Variants in ERBB4 observed in about 807,000 individuals in gnomAD.
ERBB4 encodes the protein receptor tyrosine-protein kinase erbB-4.
A neutral mutation model predicts 158.0 loss-of-function variants in ERBB4; 42 were observed. The ratio of observed to expected loss-of-function variants is 0.27; its 90% CI spans 0.21 to 0.34. The LOEUF (loss-of-function observed/expected upper bound fraction) is 0.34. ERBB4 is among the 10% of genes least tolerant of loss of function. ERBB4 has a pLI of 1.00. For synonymous variants in ERBB4, 583 were observed against 558.7 expected, an observed-to-expected ratio of 1.04 and a Z score of -0.61; for missense variants, 1,333 against 1,624.1, an observed-to-expected ratio of 0.82 and a Z score of 3.08.
chr2:211,432,057 A>AGAGTGAATATATTTTTGTTGAAGTGTTAG, intron 20 of ERBB4, among the ~76,000 whole-genome samples: 1 of 152,188 alleles, frequency 6.6e-6, no homozygotes, highest in African/African-American at 2.4e-5. Context: ...GGCCGAGATT[A>AGAGTGAATATATTTTTGTTGAAGTGTTAG]GAGTGAATAT....
chr2:212,478,174 T>A (rs191096056), intron 1 of ERBB4, among the ~76,000 whole-genome samples: 60 of 152,232 alleles, frequency 3.9e-4, no homozygotes, highest in Middle Eastern at 3.4e-3. Flanking sequence ...TGTGCCCCAA[T>A]TTCAGAAAGT....
intron 11 of ERBB4, among the ~76,000 whole-genome samples, chr2:211,702,931 CTTTTTTACTTATTTACTT>C (rs906803899): frequency 1.3e-5 from 2 of 152,132 alleles, no homozygotes; most frequent in South Asian, 2.1e-4. Context: ...TAATTATTTA[CTTTTTTACTTATTTACTT>C]TTTTTTACTT....
At chr2:212,537,215 C>A (rs1264128620) in intron 1 of ERBB4, among the ~76,000 whole-genome samples, 1 of 152,016 alleles carries the variant, frequency 6.6e-6, no homozygotes, top group Admixed American at 6.6e-5. Flanking sequence ...CCTCCGGGGG[C>A]CTAAAGCGCT....
chr2:211,826,427 T>C (rs1473354503), intron 3 of ERBB4, among the ~76,000 whole-genome samples: 1 of 151,876 alleles, frequency 6.6e-6, no homozygotes, highest in Admixed American at 6.6e-5. Flanking sequence ...AAAAATATAT[T>C]TCAATGCAGG....
chr2:212,189,482 A>C (rs905182101), intron 1 of ERBB4, among the ~76,000 whole-genome samples: 1 of 152,162 alleles, frequency 6.6e-6, no homozygotes, highest in Non-Finnish European at 1.5e-5. Flanking sequence ...ACTCTGATCC[A>C]CCTTCAAATG....
intron 1 of ERBB4, among the ~76,000 whole-genome samples, chr2:212,233,331 C>G (rs1221521145): frequency 2.0e-5 from 3 of 152,070 alleles, no homozygotes; most frequent in Non-Finnish European, 4.4e-5. Flanking sequence ...TAGGTAGGAG[C>G]AAAATTTCAT....
chr2:211,840,104 G>A (rs937268294), intron 3 of ERBB4, among the ~76,000 whole-genome samples: 1 of 151,984 alleles, frequency 6.6e-6, no homozygotes, highest in Non-Finnish European at 1.5e-5. Context: ...ATCTTGAATT[G>A]TAACTCCCAT....
intron 16 of ERBB4, among the ~76,000 whole-genome samples, chr2:211,637,952 T>C (rs1168201452): frequency 1.3e-5 from 2 of 151,956 alleles, no homozygotes; most frequent in African/African-American, 4.8e-5. Flanking sequence ...TGCACATAAA[T>C]TTATTTAGGG....
chr2:211,807,045 A>C (rs1303247446), intron 3 of ERBB4, among the ~76,000 whole-genome samples: 3 of 151,786 alleles, frequency 2.0e-5, no homozygotes, highest in Non-Finnish European at 4.4e-5. Flanking sequence ...ATGATAAATC[A>C]AGAAATAATT....
intron 20 of ERBB4, among the ~76,000 whole-genome samples, chr2:211,479,938 A>G (rs1574571890): frequency 1.3e-5 from 2 of 152,238 alleles, no homozygotes; most frequent in Non-Finnish European, 2.9e-5. Context: ...TTCAGAGCAA[A>G]ATGATCTTGA....
At chr2:212,243,907 G>A (rs950917375) in intron 1 of ERBB4, among the ~76,000 whole-genome samples, 1 of 152,106 alleles carries the variant, frequency 6.6e-6, no homozygotes, top group African/African-American at 2.4e-5. Flanking sequence ...GTTCCTTCAA[G>A]TAGCTTATCA....
At chr2:212,290,795 G>A (rs749636995) in intron 1 of ERBB4, among the ~76,000 whole-genome samples, 4 of 151,650 alleles carry the variant, frequency 2.6e-5, no homozygotes, top group East Asian at 3.9e-4. Flanking sequence ...AACAAATAAC[G>A]AACATATACC....
chr2:212,366,126 T>C (rs1025420350), intron 1 of ERBB4, among the ~76,000 whole-genome samples: 1 of 151,918 alleles, frequency 6.6e-6, no homozygotes, highest in African/African-American at 2.4e-5. Context: ...ATAAATTTGA[T>C]TGGCAAAATC....
At chr2:211,718,055 G>A (rs1041706650) in intron 7 of ERBB4, among the ~76,000 whole-genome samples, 2 of 151,968 alleles carry the variant, frequency 1.3e-5, no homozygotes, top group Admixed American at 6.6e-5. Context: ...GGGATTACAG[G>A]TGTGTGCCAC....
chr2:211,980,692 C>A (rs34432856), intron 2 of ERBB4, among the ~76,000 whole-genome samples: 5,832 of 152,188 alleles, frequency 0.038, 143 homozygotes, highest in East Asian at 0.1. Flanking sequence ...ATATCTTAAA[C>A]ATTCCCAGAA....
Position 211,957,972 on chromosome 2 carries a change from G to A in ERBB4, c.235-10356C>T, listed in dbSNP as rs1019710287. On this transcript the variant is annotated intron_variant, in intron 2 of 27. Coordinates refer to ENST00000342788, the MANE Select transcript of ERBB4 (RefSeq NM_005235.3). ...AGCTGCCTCTGTTGAAAAGCATATG[G>A]GAAATACCCTTTGAGGATGCAAAAG... 8.5e-5 allele frequency among the ~76,000 whole-genome samples: 13 copies of A among 152,126 alleles called. No homozygotes were observed. The East Asian group carries it at 2.3e-3, about 27-fold the overall frequency.
chr2:212,214,618 T>C (rs2083040114), intron 1 of ERBB4, among the ~76,000 whole-genome samples: 1 of 151,748 alleles, frequency 6.6e-6, no homozygotes, highest in Non-Finnish European at 1.5e-5. Flanking sequence ...GGCCAGAACA[T>C]AGAGCAAGAA....
chr2:212,408,700 A>G (rs1252100818), intron 1 of ERBB4, among the ~76,000 whole-genome samples: 1 of 152,098 alleles, frequency 6.6e-6, no homozygotes, highest in Non-Finnish European at 1.5e-5. Flanking sequence ...CGCCCTCTTA[A>G]CCAGACATTC....
chr2:211,967,750 T>C (rs1273024497), intron 2 of ERBB4, among the ~76,000 whole-genome samples: 2 of 152,032 alleles, frequency 1.3e-5, no homozygotes, highest in Admixed American at 1.3e-4. Context: ...TAATCTAGAA[T>C]TCAGTTATAT....
Sources: gnomAD v4.1 joint callset for allele counts (sites outside exome capture counted in the v4.1 genomes callset) on GRCh38, gnomAD v4.1.1 for gene constraint, MANE v1.5 for transcripts, NCBI Gene and HGNC (gene_info 2026-07-23, HGNC 2026-07-21) for gene names.